C5: variants seen among roughly 807,000 people sequenced by gnomAD.
C5 encodes the protein complement C5.
A neutral mutation model predicts 218.8 loss-of-function variants in C5; 140 were observed. The observed-to-expected ratio is 0.64, with a 90% CI of 0.56 to 0.74. The LOEUF (loss-of-function observed/expected upper bound fraction) is 0.74. C5 is among the 30% of genes least tolerant of loss of function. C5 has a pLI of 0.00. For synonymous variants in C5, 614 were observed against 682.3 expected (o/e 0.90, Z 1.56); for missense variants, 1,700 against 1,969.6 (o/e 0.86, Z 2.59).
At position 120,962,963 on chromosome 9, in the gene C5, A is replaced by T. The variant is rs777014012; in HGVS notation, c.4328T>A (p.Val1443Glu). 1 of 1,611,584 alleles carries T rather than the reference A, an allele frequency of 6.2e-7. No individual in the cohort carries two copies. Among genetic ancestry groups the T allele is most frequent in the South Asian group, 1.1e-5 (1 of 91,038 alleles). The change falls in exon 35 of 41, where the codon GTG becomes GAG. Residue 1443 changes from valine to glutamate, a missense_variant. Physicochemically the swap from Val to Glu is moderately radical, Grantham distance 121. Coordinates refer to ENST00000223642, the MANE Select transcript of C5 (RefSeq NM_001735.3). ...AGTGAATAGTTGATCCACCCCTTCCACAAGCTAAGGGGGAAAAGAGAGAAG... is the reference window on the plus strand; with the variant it reads ...AGTGAATAGTTGATCCACCCCTTCCTCAAGCTAAGGGGGAAAAGAGAGAAG... ...SANEEDLKAL[V>E]EGVDQLFTDY...
At chr9:120,998,003 A>T (rs1482212051) in intron 20 of C5, among the ~76,000 whole-genome samples, 1 of 152,020 alleles carries the variant, frequency 6.6e-6, no homozygotes, top group Non-Finnish European at 1.5e-5. Context: ...CGGTTTCTCC[A>T]TGTTGGCCAG....
chr9:121,014,029 C>A lies in C5; in HGVS notation c.2101G>T (p.Asp701Tyr), dbSNP rs187925604. 1.9e-5 allele frequency: 30 copies of A among 1,614,156 alleles called. No individual in the cohort carries two copies. The highest frequency in any genetic ancestry group is 9.3e-5 in the African/African-American group (7 of 75,036). ...KHSVVKKCCY[D>Y]GACVNNDETC... ...TCATCATTATTAACGCAGGCTCCAT[C>A]GTAACAACATTTCTTCACTACTGAA... The change falls in exon 17 of 41, where the codon GAT becomes TAT. Residue 701 changes from aspartate (D) to tyrosine (Y), a missense_variant. Transcript: ENST00000223642.
At chr9:120,972,454 T>G (rs1244870467) in intron 30 of C5, among the ~76,000 whole-genome samples, 2 of 152,146 alleles carry the variant, frequency 1.3e-5, no homozygotes, top group African/African-American at 4.8e-5. Context: ...CTCTCTGAGC[T>G]CCTCCTTTGC....
rs752149290 is a variant in C5 at position 120,976,841 on chromosome 9, G to A, written c.3723C>T (p.Asn1241=). 9 of 1,613,922 alleles carry A rather than the reference G, an allele frequency of 5.6e-6. No individual in the cohort carries two copies. The highest frequency in any genetic ancestry group is 7.6e-6 in the Non-Finnish European group (9 of 1,179,870). Residue 1241 remains asparagine, a synonymous_variant, in exon 29 of 41, where the codon AAC becomes AAT. Coordinates refer to ENST00000223642, the MANE Select transcript of C5 (RefSeq NM_001735.3). The part of the protein sequence containing the change: ...NLQHKDSSVP[N]TGTARMVETT... ...TTTCTACCATACGTGCCGTACCAGT[G>A]TTAGGTACAGAGCTGTCTTTATGCT...
chr9:120,973,525 T>A (rs2046930058), intron 30 of C5, among the ~76,000 whole-genome samples: 2 of 152,228 alleles, frequency 1.3e-5, no homozygotes, highest in Admixed American at 6.5e-5. Context: ...CAATGCCTGG[T>A]GCTTTGCTTT....
intron 18 of C5, 138 bp downstream of exon 18, chr9:121,008,270 A>T (rs149610967): frequency 4.3e-6 from 3 of 700,334 alleles, no homozygotes. Context: ...AAAGCAAAAC[A>T]AAACAAAATT....
In C5 at chr9:121,030,401, C is replaced by T. The variant is rs112959008; in HGVS notation, c.754G>A (p.Ala252Thr). Reference protein sequence around the residue: ...NFKNFEITIKARYFYNKVVTE... With the variant: ...NFKNFEITIKTRYFYNKVVTE... ...CAAAAAAACAAATGTTCTTACCTTG[C>T]TTTTATAGTAATTTCAAAATTCTTA... Residue 252 changes from alanine (A) to threonine (T), a missense_variant, in exon 7 of 41, where the codon GCA becomes ACA. Ala to Thr is a moderately conservative substitution (Grantham distance 58). Transcript: ENST00000223642. 3.1e-4 allele frequency: 441 copies of T among 1,434,676 alleles called. 3 individuals carry two copies. The African/African-American group carries it at 5.5e-3, about 18-fold the overall frequency. The allele number at this position is 1,434,676 out of a possible 1,614,324, so 88.9% of individuals were successfully genotyped here. A position where few individuals can be genotyped will look rare whatever the true frequency, so the allele number is the denominator to read the frequency against.
rs573926953 is a variant in C5 at position 120,956,191 on chromosome 9, G to A, written c.4762+1094C>T. Among the ~76,000 whole-genome samples, 5 of 152,240 alleles carry A rather than the reference G, an allele frequency of 3.3e-5. No individual in the cohort carries two copies. The South Asian group carries it at 1.0e-3, about 32-fold the overall frequency. On this transcript the variant is annotated intron_variant, in intron 39 of 40. Coordinates refer to ENST00000223642, the MANE Select transcript of C5 (RefSeq NM_001735.3). Reference sequence around the variant, plus strand: ...TGTCTGTAATCCCAGCTACTCAGGAGGCTGAGGCAGGAGAATCACTTGAAC... The same window carrying A: ...TGTCTGTAATCCCAGCTACTCAGGAAGCTGAGGCAGGAGAATCACTTGAAC...
At chr9:121,015,315 CA>C (rs540002912) in intron 15 of C5, 54 bp from the exon 16 acceptor site, 343 of 1,219,228 alleles carry the variant, frequency 2.8e-4, no homozygotes, top group Non-Finnish European at 3.4e-4. Flanking sequence ...GATAAAATCT[CA>C]AAAAAAAATT....
At chr9:121,058,340 T>C in the C5 span, among the ~76,000 whole-genome samples, 1 of 152,220 alleles carries the variant, frequency 6.6e-6, no homozygotes, top group African/African-American at 2.4e-5. Context: ...TTTGATTGTT[T>C]GGGATCCATA....
intron 23 of C5, among the ~76,000 whole-genome samples, chr9:120,990,555 G>A (rs900470061): frequency 6.6e-6 from 1 of 152,076 alleles, no homozygotes; most frequent in African/African-American, 2.4e-5. Flanking sequence ...TCTTATAGAC[G>A]AGGTAAGAGG....
At chr9:121,047,896 G>A (rs2047641429) in intron 1 of C5, among the ~76,000 whole-genome samples, 1 of 152,110 alleles carries the variant, frequency 6.6e-6, no homozygotes, top group African/African-American at 2.4e-5. Flanking sequence ...ATTTTGCCCT[G>A]TGATAAGGCA....
chr9:120,973,447 A>G (rs1240250625), intron 30 of C5, among the ~76,000 whole-genome samples: 1 of 152,210 alleles, frequency 6.6e-6, no homozygotes, highest in African/African-American at 2.4e-5. Context: ...CAAAGCAGGT[A>G]TGAACATAAA....
chr9:121,068,702 G>A, the C5 span, among the ~76,000 whole-genome samples: 1 of 152,098 alleles, frequency 6.6e-6, no homozygotes, highest in African/African-American at 2.4e-5. Flanking sequence ...CAAAGCTAGA[G>A]GCATCACACT....
At chr9:121,015,686 G>A (rs1000184987) in intron 15 of C5, among the ~76,000 whole-genome samples, 1 of 152,168 alleles carries the variant, frequency 6.6e-6, no homozygotes, top group Non-Finnish European at 1.5e-5. Flanking sequence ...GAAAGAAGAT[G>A]ATTAAGGTAT....
chr9:121,011,308 G>T (rs2047260090), intron 17 of C5, among the ~76,000 whole-genome samples: 1 of 152,112 alleles, frequency 6.6e-6, no homozygotes, highest in Non-Finnish European at 1.5e-5. Context: ...ACTTAAAAAT[G>T]GGCAAAAGAT....
At chr9:120,967,932 AG>A (rs1212506083) in intron 33 of C5, among the ~76,000 whole-genome samples, 1 of 152,086 alleles carries the variant, frequency 6.6e-6, no homozygotes, top group East Asian at 1.9e-4. Context: ...TATGGTGCCC[AG>A]GCTGTTCTTG....
intron 38 of C5, among the ~76,000 whole-genome samples, chr9:120,958,854 T>A (rs2046805721): frequency 6.6e-6 from 1 of 152,126 alleles, no homozygotes. Flanking sequence ...TGGAGTGCAA[T>A]GGCTTACTGC....
intron 21 of C5, among the ~76,000 whole-genome samples, chr9:120,996,630 C>T (rs1329923936): frequency 6.6e-6 from 1 of 152,190 alleles, no homozygotes; most frequent in Non-Finnish European, 1.5e-5. Flanking sequence ...GACTGACACA[C>T]ATGGAAATCA....
Sources: allele counts gnomAD v4.1 joint callset (sites outside exome capture counted in the v4.1 genomes callset), GRCh38; gene constraint gnomAD v4.1.1; transcripts MANE v1.5; gene names NCBI Gene and HGNC (gene_info 2026-07-23, HGNC 2026-07-21).